The following PIP5K1C variants were observed in gnomAD, a reference collection of about 807,000 sequenced individuals.
PIP5K1C encodes phosphatidylinositol-4-phosphate 5-kinase type 1 gamma.
A neutral mutation model predicts 80.1 loss-of-function variants in PIP5K1C; 45 were observed. The ratio of observed to expected loss-of-function variants is 0.56; its 90% CI spans 0.44 to 0.72. The LOEUF is 0.72. Among genes scored for constraint, PIP5K1C ranks in the 30% least tolerant of loss-of-function variants. The probability of loss-of-function intolerance (pLI) is 0.00; values close to 1 mark genes in which losing one functional copy is unlikely to be tolerated. For missense variants in PIP5K1C, 753 were observed against 954.6 expected (o/e 0.79, Z 2.78); for synonymous variants, 498 against 420.1 (o/e 1.19, Z -2.27).
chr19:3,688,616 C>T lies in PIP5K1C; in HGVS notation c.94+11681G>A, dbSNP rs2035845766. On this transcript the variant is annotated intron_variant, in intron 1 of 17. Transcript: ENST00000335312. This position sits in a 1 kb window ranked among gnomAD's most constrained non-coding sequence, Gnocchi z 5.3. ...GCTGGTGATTCTGCTGCTGAAATTG[C>T]CCCCCCAGGCATTGTCCTCAGGTGG... 8.7e-6 allele frequency among the ~76,000 whole-genome samples: 1 copy of T among 115,210 alleles called. No homozygotes were observed. The highest frequency in any genetic ancestry group is 1.8e-5 in the Non-Finnish European group (1 of 54,824). The allele number at this position is 115,210 out of a possible 152,430, so 75.6% of individuals were successfully genotyped here.
In PIP5K1C at chr19:3,651,896, G is replaced by A; in HGVS notation, c.1057C>T (p.Leu353Phe). ...ATGGACTCCATGGCCGTGGAGTAGA[G>A]CGCCTTCTGGCCCACAGGCCGCTTC... is the stretch of plus-strand genomic sequence containing the variant. ...DEKRPVGQKALYSTAMESIQG... is the reference protein window; with the variant it reads ...DEKRPVGQKAFYSTAMESIQG... Residue 353 changes from leucine to phenylalanine, a missense_variant, in exon 8 of 18, where the codon CTC (leucine) becomes TTC (phenylalanine). Physicochemically the swap from Leu to Phe is conservative, Grantham distance 22 (BLOSUM62 0). This residue lies in a region of PIP5K1C where 2 missense variants were observed against 17.5 expected (regional missense o/e 0.11). Transcript: ENST00000335312. 6.2e-7 allele frequency: 1 copy of A among 1,612,846 alleles called. No individual in the cohort carries two copies.
At position 3,657,345 on chromosome 19, in the gene PIP5K1C, G is replaced by A. The variant is rs531624049; in HGVS notation, c.469-788C>T. ...GGACTAGAATGAAGATGAGACCCACGGGTGCTACCCTGCGTCTTCCGGGTA... is the reference window on the plus strand; with the variant it reads ...GGACTAGAATGAAGATGAGACCCACAGGTGCTACCCTGCGTCTTCCGGGTA... On this transcript the variant is annotated intron_variant, in intron 5 of 17. Coordinates refer to ENST00000335312, the MANE Select transcript of PIP5K1C (RefSeq NM_012398.3). 9.2e-5 allele frequency among the ~76,000 whole-genome samples: 14 copies of A among 152,308 alleles called. No individual in the cohort carries two copies. The East Asian group carries it at 2.7e-3, about 29-fold the overall frequency.
chr19:3,643,889 A>G (rs2034092204), intron 12 of PIP5K1C, among the ~76,000 whole-genome samples, 198 bp downstream of exon 12: 1 of 151,976 alleles, frequency 6.6e-6, no homozygotes, highest in Non-Finnish European at 1.5e-5. Flanking sequence ...CACCTGGTGG[A>G]GCCTTCTATA....
In PIP5K1C at chr19:3,688,644, T is replaced by A. The variant is rs1462566861; in HGVS notation, c.94+11653A>T. Among the ~76,000 whole-genome samples, 1 of 152,132 alleles carries A rather than the reference T, an allele frequency of 6.6e-6. No individual in the cohort carries two copies. Among genetic ancestry groups the A allele is most frequent in the Non-Finnish European group, 1.5e-5 (1 of 68,028 alleles). On this transcript the variant is annotated intron_variant, in intron 1 of 17. Transcript: ENST00000335312. This position sits in a 1 kb window ranked among gnomAD's most constrained non-coding sequence, Gnocchi z 5.3. Reference sequence around the variant, plus strand: ...CCCCAGGCATTGTCCTCAGGTGGTTTCGTGTCCCTCAGGGCTAGAGACCCG... The same window carrying A: ...CCCCAGGCATTGTCCTCAGGTGGTTACGTGTCCCTCAGGGCTAGAGACCCG...
At chr19:3,664,999 G>A (rs979573359) in intron 2 of PIP5K1C, 85 bp from the exon 3 acceptor site, 1 of 1,152,116 alleles carries the variant, frequency 8.7e-7, no homozygotes. Flanking sequence ...GGGAAGAAAG[G>A]TTTAGTCGTT....
intron 1 of PIP5K1C, among the ~76,000 whole-genome samples, chr19:3,675,563 A>G (rs1282528706): frequency 6.6e-6 from 1 of 152,098 alleles, no homozygotes; most frequent in African/African-American, 2.4e-5. Context: ...GCTGGTGCCG[A>G]CCCTCAGCTT....
chr19:3,650,906 A>G (rs1420240550), intron 8 of PIP5K1C, among the ~76,000 whole-genome samples: 2 of 151,784 alleles, frequency 1.3e-5, no homozygotes, highest in Non-Finnish European at 2.9e-5. Context: ...ACAGGCGTGC[A>G]CCACCACGCC....
intron 16 of PIP5K1C, among the ~76,000 whole-genome samples, 186 bp downstream of exon 16, chr19:3,638,698 G>A (rs1378279749): frequency 2.0e-5 from 3 of 152,178 alleles, no homozygotes; most frequent in South Asian, 2.1e-4. Context: ...GGGTGTGAAC[G>A]TGGCTGGTGG....
chr19:3,645,920 C>G (rs183743101), intron 11 of PIP5K1C, 54 bp downstream of exon 11: 1 of 1,406,026 alleles, frequency 7.1e-7, no homozygotes, highest in Non-Finnish European at 1.0e-6. Flanking sequence ...TGCCCCACGG[C>G]GCTCTGGGCC....
At chr19:3,638,083 G>C in intron 16 of PIP5K1C, 1 of 1,436,516 alleles carries the variant, frequency 7.0e-7, no homozygotes, top group Non-Finnish European at 9.1e-7. Flanking sequence ...CCTGGTGCCC[G>C]TGCCCAGCCC....
chr19:3,677,730 TGGAAGGATGGTGGGATGGAGGGAG>T (rs2035406634), intron 1 of PIP5K1C, among the ~76,000 whole-genome samples: 1 of 112,128 alleles, frequency 8.9e-6, no homozygotes, highest in African/African-American at 3.6e-5. Context: ...GATGGAGGGA[TGGAAGGATGGTGGGATGGAGGGAG>T]GGATGGAGGA....
In PIP5K1C at chr19:3,648,287, T is replaced by C. The variant is rs1161492431; in HGVS notation, c.1211+338A>G. ...ATCCTCCCGCCTCGGCCTCCCACAG[T>C]GCTAGATTACAGGTGTGGACCACTA... On this transcript the variant is annotated intron_variant, in intron 9 of 17. Coordinates refer to ENST00000335312, the MANE Select transcript of PIP5K1C (RefSeq NM_012398.3). The surrounding 1 kb of genome is among the most constrained non-coding windows in gnomAD (Gnocchi z 4.3). 6.6e-6 allele frequency among the ~76,000 whole-genome samples: 1 copy of C among 152,184 alleles called. No homozygotes were observed. The highest frequency in any genetic ancestry group is 2.4e-5 in the African/African-American group (1 of 41,442).
chr19:3,687,903 G>A (rs909361390), intron 1 of PIP5K1C, among the ~76,000 whole-genome samples: 4 of 152,208 alleles, frequency 2.6e-5, no homozygotes, highest in African/African-American at 9.6e-5. Flanking sequence ...CCAGAACTCC[G>A]CAGGCCCTGA....
At chr19:3,666,400 G>A (rs773791070) in intron 2 of PIP5K1C, among the ~76,000 whole-genome samples, 2 of 152,276 alleles carry the variant, frequency 1.3e-5, no homozygotes, top group Non-Finnish European at 2.9e-5. Context: ...GGGCCAACGT[G>A]CAGAGAAAGC....
chr19:3,666,908 C>G lies in PIP5K1C; in HGVS notation c.126+414G>C, dbSNP rs151289735. Among the ~76,000 whole-genome samples, 3 of 152,248 alleles carry G rather than the reference C, an allele frequency of 2.0e-5. No homozygotes were observed. In the East Asian group the frequency reaches 5.8e-4, roughly 29 times the overall value. ...AGGGCGTGGGTGCAGCTGGTAGCCT[C>G]GGGCATCGCCCTCTGGGCAGCGTCT... On this transcript the variant is annotated intron_variant, in intron 2 of 17. Transcript: ENST00000335312.
At chr19:3,693,633 T>G (rs544731425) in intron 1 of PIP5K1C, among the ~76,000 whole-genome samples, 66 of 152,328 alleles carry the variant, frequency 4.3e-4, no homozygotes, top group Non-Finnish European at 8.1e-4. Context: ...CCACCCTGTG[T>G]GGACTCTCCA....
chr19:3,638,110 C>A (rs924072188), intron 16 of PIP5K1C: 5 of 1,377,156 alleles, frequency 3.6e-6, no homozygotes, highest in Admixed American at 5.7e-5. Context: ...CCAGGGGGTG[C>A]AGGGTGAGAA....
chr19:3,671,713 G>T lies in PIP5K1C; in HGVS notation c.95-4360C>A, dbSNP rs1005362687. Among the ~76,000 whole-genome samples the T allele has an allele frequency of 2.6e-5, 4 of 152,186 alleles. No individual in the cohort carries two copies. In the South Asian group the frequency reaches 8.3e-4, roughly 31 times the overall value. On this transcript the variant is annotated intron_variant, in intron 1 of 17. Coordinates refer to ENST00000335312, the MANE Select transcript of PIP5K1C (RefSeq NM_012398.3). ...TGTCCTGTGGAGGAGAGGGGACGGGGAGAAAGCACAGCCTTGCTGCCACCG... is the reference window on the plus strand; with the variant it reads ...TGTCCTGTGGAGGAGAGGGGACGGGTAGAAAGCACAGCCTTGCTGCCACCG...
chr19:3,633,566 CGAG>C (rs1204008603), intron 16 of PIP5K1C, 46 bp from the exon 17 acceptor site: 2 of 1,317,748 alleles, frequency 1.5e-6, no homozygotes, highest in African/African-American at 3.0e-5. Context: ...GAGCAGGGTG[CGAG>C]GAGGTGCAAG....
Sources: gnomAD v4.1 joint callset for allele counts (sites outside exome capture counted in the v4.1 genomes callset) on GRCh38, gnomAD v4.1.1 for gene constraint, gnomAD v4.1.1 regional missense constraint, Gnocchi (gnomAD v3.1) non-coding constraint, MANE v1.5 for transcripts, NCBI Gene and HGNC (gene_info 2026-07-23, HGNC 2026-07-21) for gene names.